PABPN1L: variants seen among roughly 807,000 people sequenced by gnomAD.
PABPN1L encodes the protein embryonic polyadenylate-binding protein 2.
In PABPN1L, 45 loss-of-function variants were observed where a neutral mutation model predicts 34.0. The observed-to-expected ratio is 1.32, with a 90% CI of 1.04 to 1.70. The LOEUF (loss-of-function observed/expected upper bound fraction) is 1.70. PABPN1L is among the 40% of genes most tolerant of loss of function. The pLI is 0.00. For synonymous variants in PABPN1L, 182 were observed against 152.1 expected (o/e 1.20, Z -1.45); for missense variants, 459 against 367.8 (o/e 1.25, Z -2.03).
chr16:88,863,641 C>T (rs776262027), exon 7 of PABPN1L: 2 of 1,321,380 alleles, frequency 1.5e-6, no homozygotes, highest in Admixed American at 2.0e-5. Flanking sequence ...GCTCTGGACA[C>T]CCCTCTCCTC....
upstream of PABPN1L, among the ~76,000 whole-genome samples, chr16:88,866,930 C>A (rs1430148230): frequency 1.3e-5 from 2 of 152,252 alleles, no homozygotes; most frequent in Non-Finnish European, 1.5e-5. Flanking sequence ...GGGTTCACAC[C>A]TCAGCAGCAT....
In PABPN1L at chr16:88,866,497, T is replaced by C. The variant is rs199511105; in HGVS notation, c.110A>G (p.Lys37Arg). The C allele has an allele frequency of 4.6e-4, 709 of 1,551,296 alleles. 2 individuals are homozygous for C. The African/African-American group carries it at 8.6e-3, about 19-fold the overall frequency. The change falls in exon 1 of 7, where the codon AAG (lysine) becomes AGG (arginine). Residue 37 changes from lysine (K) to arginine (R), a missense_variant. Transcript: ENST00000419291. ...CCCACCCTCTGGCCCCAGAATCTCC[T>C]TGGTCTCGTTCCAGGCCCCCCAGCC...
upstream of PABPN1L, chr16:88,866,627 G>T: frequency 6.6e-7 from 1 of 1,518,950 alleles, no homozygotes; most frequent in South Asian, 1.2e-5. Flanking sequence ...CAGGAGGAAG[G>T]TGGGCCAGGC....
chr16:88,865,872 C>G (rs1011502527), exon 2 of PABPN1L: 1 of 1,610,184 alleles, frequency 6.2e-7, no homozygotes, highest in South Asian at 1.1e-5. Flanking sequence ...TGTTGCTGCA[C>G]TCCTGGAGGC....
rs1340984596 is a variant in PABPN1L, at chr16:88,865,011, C to A, written c.566+11G>T. On this transcript the variant is annotated intron_variant, in intron 4 of 6. Coordinates refer to ENST00000419291, the Ensembl canonical transcript of PABPN1L. The stretch of plus-strand genomic sequence containing the variant: ...CGCATGGCCAGTGCCCCCACCAGGC[C>A]CCACACTGACCCCTTGGGGTGTCCA... 6.3e-7 allele frequency: 1 copy of A among 1,598,904 alleles called. No homozygotes were observed. Among genetic ancestry groups the A allele is most frequent in the East Asian group, 2.3e-5 (1 of 44,154 alleles).
rs183636129 is a variant in PABPN1L at position 88,864,949 on chromosome 16, A to G, written c.567-9T>C. Reference sequence around the variant, plus strand: ...ACTCTATGTAGGCATAACTGAGGGGAGGGGCAGGGAGGGGAGGGGTGAGGC... The same window carrying G: ...ACTCTATGTAGGCATAACTGAGGGGGGGGGCAGGGAGGGGAGGGGTGAGGC... On this transcript the variant is annotated splice_polypyrimidine_tract_variant and intron_variant, in intron 4 of 6. Transcript: ENST00000419291. 1.3e-5 allele frequency: 10 copies of G among 756,410 alleles called. No individual in the cohort carries two copies. The East Asian group carries it at 1.8e-4, about 13-fold the overall frequency. The allele number at this position is 756,410 out of a possible 1,614,324, so 46.9% of individuals were successfully genotyped here. A position where few individuals can be genotyped will look rare whatever the true frequency, so the allele number is the denominator to read the frequency against.
chr16:88,863,496 C>T (rs1968495443), exon 7 of PABPN1L: 2 of 579,850 alleles, frequency 3.4e-6, no homozygotes, highest in South Asian at 2.0e-5. Flanking sequence ...ACACCCAGAG[C>T]CCCGCAGATC....
At chr16:88,864,584 G>A (rs1184007762) in intron 5 of PABPN1L, among the ~76,000 whole-genome samples, 1 of 151,834 alleles carries the variant, frequency 6.6e-6, no homozygotes, top group Non-Finnish European at 1.5e-5. Flanking sequence ...GGGGGTCACG[G>A]CCAGCACCCC....
chr16:88,863,493 GA>G, exon 7 of PABPN1L: 1 of 576,714 alleles, frequency 1.7e-6, no homozygotes, highest in Non-Finnish European at 3.1e-6. Context: ...TCAACACCCA[GA>G]GCCCCGCAGA....
At chr16:88,867,396 T>G (rs1472878308), upstream of PABPN1L, among the ~76,000 whole-genome samples, 1 of 152,078 alleles carries the variant, frequency 6.6e-6, no homozygotes, top group East Asian at 1.9e-4. Flanking sequence ...CCCAGCTAAT[T>G]TTTTTTGTCT....
rs1482176304 is a variant in PABPN1L at position 88,865,646 on chromosome 16, C to T, written c.392-16G>A. 1.9e-6 allele frequency: 3 copies of T among 1,596,672 alleles called. No homozygotes were observed. The highest frequency in any genetic ancestry group is 8.5e-7 in the Non-Finnish European group (1 of 1,170,976). ...AGGGGGCAGCCTGCGGAGAACACAG[C>T]TCAGGCCCGCAGGCCCTTGGTTCCT... On this transcript the variant is annotated splice_polypyrimidine_tract_variant and intron_variant, in intron 2 of 6. Transcript: ENST00000419291.
intron 5 of PABPN1L, 59 bp downstream of exon 5, chr16:88,864,794 G>T (rs1968547280): frequency 1.3e-6 from 2 of 1,494,144 alleles, no homozygotes; most frequent in East Asian, 2.4e-5. Context: ...GTGTGTCCCA[G>T]GGCCAGTGGG....
upstream of PABPN1L, among the ~76,000 whole-genome samples, chr16:88,867,051 G>A (rs890963286): frequency 1.5e-4 from 23 of 152,290 alleles, no homozygotes; most frequent in Admixed American, 3.9e-4. Flanking sequence ...CTTCCGACCA[G>A]GAGAGGCAGG....
In PABPN1L at chr16:88,865,654, C is replaced by G. The variant is rs771459948; in HGVS notation, c.392-24G>C. 3.1e-6 allele frequency: 5 copies of G among 1,590,242 alleles called. No homozygotes were observed. The East Asian group carries it at 1.1e-4, about 36-fold the overall frequency. ...GCCTGCGGAGAACACAGCTCAGGCC[C>G]GCAGGCCCTTGGTTCCTTCCTCACT... On this transcript the variant is annotated intron_variant, in intron 2 of 6. Coordinates refer to ENST00000419291, the Ensembl canonical transcript of PABPN1L.
chr16:88,867,605 G>C (rs1381520124), upstream of PABPN1L, among the ~76,000 whole-genome samples: 1 of 151,868 alleles, frequency 6.6e-6, no homozygotes, highest in Admixed American at 6.5e-5. Flanking sequence ...TCCGTGGGGA[G>C]TGACGGCGTG....
At chr16:88,868,911 T>A (rs1027559791), upstream of PABPN1L, among the ~76,000 whole-genome samples, 5 of 152,154 alleles carry the variant, frequency 3.3e-5, no homozygotes, top group African/African-American at 1.2e-4. Context: ...GAGGGTAACG[T>A]TAGCTCTGTC....
At chr16:88,866,482 G>T in exon 1 of PABPN1L, 1 of 1,551,362 alleles carries the variant, frequency 6.4e-7, no homozygotes. Flanking sequence ...CCCACCCTCT[G>T]GCCCCAGAAT....
At chr16:88,863,493 G>A (rs533005026) in exon 7 of PABPN1L, 2 of 576,718 alleles carry the variant, frequency 3.5e-6, no homozygotes, top group Non-Finnish European at 6.2e-6. Context: ...TCAACACCCA[G>A]AGCCCCGCAG....
At chr16:88,864,312 G>C in exon 6 of PABPN1L, 11 of 1,555,532 alleles carry the variant, frequency 7.1e-6, no homozygotes, top group Non-Finnish European at 8.7e-6. Context: ...CCTGGAGCCT[G>C]GGTGTCCTCG....
Sources: gnomAD v4.1 joint callset for allele counts (sites outside exome capture counted in the v4.1 genomes callset) on GRCh38, gnomAD v4.1.1 for gene constraint, MANE v1.5 for transcripts, NCBI Gene and HGNC (gene_info 2026-07-23, HGNC 2026-07-21) for gene names.